EXO1: variants seen among roughly 807,000 people sequenced by gnomAD.
EXO1 encodes exonuclease 1.
In EXO1, 69 loss-of-function variants were observed where a neutral mutation model predicts 84.5. That is an observed-to-expected ratio of 0.82 (90% CI 0.67 to 1.00). The LOEUF is 1.00. EXO1 is among the 50% of genes least tolerant of loss of function. The probability of loss-of-function intolerance (pLI) is 0.00; values close to 1 mark genes in which losing one functional copy is unlikely to be tolerated. For synonymous variants in EXO1, 373 were observed against 366.1 expected, an observed-to-expected ratio of 1.02 and a Z score of -0.21; for missense variants, 1,045 against 1,000.7, an observed-to-expected ratio of 1.04 and a Z score of -0.60.
chr1:241,863,768 G>T (rs1254783178), intron 10 of EXO1, among the ~76,000 whole-genome samples: 1 of 152,160 alleles, frequency 6.6e-6, no homozygotes, highest in Non-Finnish European at 1.5e-5. Context: ...CACTAGCCAT[G>T]TGTGGCTATT....
At chr1:241,865,053 G>GT (rs533682015) in intron 10 of EXO1, among the ~76,000 whole-genome samples, 126 of 145,196 alleles carry the variant, frequency 8.7e-4, no homozygotes, top group South Asian at 2.6e-3. Flanking sequence ...TTGTGTGTGT[G>GT]GGGGGGGGGT....
At chr1:241,888,048 G>C (rs984821685) in intron 15 of EXO1, among the ~76,000 whole-genome samples, 1 of 152,134 alleles carries the variant, frequency 6.6e-6, no homozygotes, top group African/African-American at 2.4e-5. Context: ...TTTTGTTTGT[G>C]CTTTCCATTT....
intron 14 of EXO1, among the ~76,000 whole-genome samples, chr1:241,884,669 G>T (rs955654225): frequency 9.5e-5 from 2 of 20,996 alleles, no homozygotes; most frequent in African/African-American, 1.9e-4. Flanking sequence ...GTGTGTGTGT[G>T]TGTGTGTGCA....
intron 12 of EXO1, among the ~76,000 whole-genome samples, chr1:241,872,624 A>C (rs1662181627): frequency 6.6e-6 from 1 of 151,952 alleles, no homozygotes; most frequent in Non-Finnish European, 1.5e-5. Context: ...CTGTTCGTGT[A>C]TTAGTTTGCT....
At chr1:241,853,580 C>A in intron 6 of EXO1, 99 bp downstream of exon 6, 1 of 1,316,370 alleles carries the variant, frequency 7.6e-7, no homozygotes. Flanking sequence ...TTGTTCTAGG[C>A]CTAACCTCAA....
At chr1:241,853,899 C>T (rs532648787) in intron 6 of EXO1, among the ~76,000 whole-genome samples, 21 of 152,084 alleles carry the variant, frequency 1.4e-4, no homozygotes, top group Non-Finnish European at 2.6e-4. Flanking sequence ...CTGGAGGCAT[C>T]GGTCTCACCC....
At chr1:241,863,605 C>G (rs1341136613) in intron 10 of EXO1, among the ~76,000 whole-genome samples, 2 of 151,976 alleles carry the variant, frequency 1.3e-5, no homozygotes, top group African/African-American at 4.8e-5. Context: ...GGAAAAGTAA[C>G]CATTACTGTA....
chr1:241,850,835 TC>T (rs1660623988), intron 4 of EXO1, among the ~76,000 whole-genome samples: 1 of 129,260 alleles, frequency 7.7e-6, no homozygotes, highest in African/African-American at 3.1e-5. Context: ...TCTCCTTTAT[TC>T]TTTTTTTTTT....
intron 15 of EXO1, among the ~76,000 whole-genome samples, chr1:241,889,084 A>T (rs920045987): frequency 3.3e-5 from 5 of 152,082 alleles, no homozygotes; most frequent in African/African-American, 4.8e-5. Flanking sequence ...AAGAAAAAAA[A>T]TAATAATAAG....
At chr1:241,863,751 C>T (rs112277098) in intron 10 of EXO1, among the ~76,000 whole-genome samples, 204 of 152,300 alleles carry the variant, frequency 1.3e-3, no homozygotes, top group African/African-American at 4.7e-3. Flanking sequence ...CCATGTAATA[C>T]GGTAGCCACT....
chr1:241,851,382 G>C (rs543292180), intron 4 of EXO1, among the ~76,000 whole-genome samples: 2 of 152,218 alleles, frequency 1.3e-5, no homozygotes, highest in South Asian at 2.1e-4. Flanking sequence ...AAAAAATAAG[G>C]ATAACAATGT....
At position 241,858,631 on chromosome 1, in the gene EXO1, T is replaced by C. The variant is rs766308470; in HGVS notation, c.669T>C (p.Gly223=). 4 of 1,613,924 alleles carry C rather than the reference T, an allele frequency of 2.5e-6. No homozygotes were observed. Among genetic ancestry groups the C allele is most frequent in the Non-Finnish European group, 3.4e-6 (4 of 1,179,936 alleles). ...TTCGTTACATGTGTATTCTTTCAGGTTGTGACTACCTGTCATCACTGCGTG... is the reference window on the plus strand; with the variant it reads ...TTCGTTACATGTGTATTCTTTCAGGCTGTGACTACCTGTCATCACTGCGTG... ...EKFRYMCILS[G]CDYLSSLRGI... The change falls in exon 8 of 16, where the codon GGT becomes GGC. Residue 223 remains glycine (G), a synonymous_variant. Transcript: ENST00000366548.
intron 6 of EXO1, among the ~76,000 whole-genome samples, chr1:241,855,945 T>C (rs149960668): frequency 0.51 from 77,971 of 151,896 alleles, 20,308 homozygotes; most frequent in East Asian, 0.71. Flanking sequence ...GCCCCAGTTC[T>C]CGCTGGCGCC....
chr1:241,856,944 GA>G (rs1661082316), intron 6 of EXO1, among the ~76,000 whole-genome samples: 1 of 152,168 alleles, frequency 6.6e-6, no homozygotes, highest in Admixed American at 6.5e-5. Flanking sequence ...GAGGTGGGAA[GA>G]TCACCTGAGC....
At chr1:241,889,013 A>G (rs550689818) in intron 15 of EXO1, among the ~76,000 whole-genome samples, 15 of 152,170 alleles carry the variant, frequency 9.9e-5, no homozygotes, top group Admixed American at 6.5e-5. Context: ...TGGAGGTTGC[A>G]GTGAGCCAAG....
chr1:241,851,774 T>C (rs1367627852), intron 4 of EXO1, among the ~76,000 whole-genome samples: 3 of 152,190 alleles, frequency 2.0e-5, no homozygotes, highest in South Asian at 2.1e-4. Flanking sequence ...GCAGAACTGG[T>C]TGTTAAACAT....
At chr1:241,887,836 G>A (rs1383966087) in intron 15 of EXO1, among the ~76,000 whole-genome samples, 2 of 151,804 alleles carry the variant, frequency 1.3e-5, no homozygotes, top group Admixed American at 6.6e-5. Context: ...ATCGGGTTTC[G>A]CTGTGTTGGC....
At chr1:241,859,519 TTTC>T (rs1661253813) in intron 8 of EXO1, among the ~76,000 whole-genome samples, 3 of 152,340 alleles carry the variant, frequency 2.0e-5, no homozygotes, top group African/African-American at 4.8e-5. Context: ...TTGAGTTTTT[TTTC>T]TTCTTCACCC....
Position 241,889,453 on chromosome 1 carries a change from T to G in EXO1, c.2406-12T>G. On this transcript the variant is annotated splice_polypyrimidine_tract_variant and intron_variant, in intron 15 of 15. Transcript: ENST00000366548. Reference sequence around the variant, plus strand: ...CTTAAAAATACCAAATGTATTTTATTGTATTTTGCAGAGATTCTGAAAAGC... The same window carrying G: ...CTTAAAAATACCAAATGTATTTTATGGTATTTTGCAGAGATTCTGAAAAGC... 1 of 1,611,112 alleles carries G rather than the reference T, an allele frequency of 6.2e-7. No homozygotes were observed. The highest frequency in any genetic ancestry group is 8.5e-7 in the Non-Finnish European group (1 of 1,177,270).
Sources: allele counts gnomAD v4.1 joint callset (sites outside exome capture counted in the v4.1 genomes callset), GRCh38; gene constraint gnomAD v4.1.1; transcripts MANE v1.5; gene names NCBI Gene and HGNC (gene_info 2026-07-23, HGNC 2026-07-21).